Variants in ATP8B4 observed in about 807,000 individuals in gnomAD.
ATP8B4 encodes ATPase phospholipid transporting 8B4 (putative), also known as probable phospholipid-transporting ATPase IM.
A neutral mutation model predicts 145.6 loss-of-function variants in ATP8B4; 133 were observed. The observed-to-expected ratio is 0.91, with a 90% confidence interval of 0.79 to 1.05. The LOEUF (loss-of-function observed/expected upper bound fraction) is 1.05, where lower values mean the gene tolerates loss of function less well. Ranked by LOEUF, ATP8B4 falls within the 50% of genes least tolerant of loss-of-function variation. The probability of loss-of-function intolerance (pLI) is 0.00; values close to 1 mark genes in which losing one functional copy is unlikely to be tolerated. For missense variants in ATP8B4, 1,458 were observed against 1,425.2 expected, an observed-to-expected ratio of 1.02 and a Z score of -0.37; for synonymous variants, 507 against 492.9, an observed-to-expected ratio of 1.03 and a Z score of -0.38.
chr15:50,088,949 C>A (rs59021616), intron 2 of ATP8B4, among the ~76,000 whole-genome samples: 4,079 of 152,246 alleles, frequency 0.027, 181 homozygotes, highest in African/African-American at 0.095. Flanking sequence ...GTTCTCTATT[C>A]TGTTCCATTG....
At chr15:50,031,415 A>G (rs1053918416) in intron 6 of ATP8B4, among the ~76,000 whole-genome samples, 1 of 152,042 alleles carries the variant, frequency 6.6e-6, no homozygotes, top group Non-Finnish European at 1.5e-5. Context: ...AACCACTCTA[A>G]TTTCAAGCCC....
At chr15:50,001,296 C>A (rs1699487982) in intron 8 of ATP8B4, among the ~76,000 whole-genome samples, 1 of 151,950 alleles carries the variant, frequency 6.6e-6, no homozygotes, top group Non-Finnish European at 1.5e-5. Flanking sequence ...AAATGTATGC[C>A]ATAAATGTTC....
At chr15:50,018,016 C>T (rs189113506) in intron 6 of ATP8B4, among the ~76,000 whole-genome samples, 73 of 137,292 alleles carry the variant, frequency 5.3e-4, no homozygotes, top group African/African-American at 1.9e-3. Context: ...GAAACGGAGT[C>T]TCACTCTGTC....
Position 49,917,016 on chromosome 15 carries a change from C to T in ATP8B4, c.2059G>A (p.Ala687Thr), listed in dbSNP as rs777357677. The change falls in exon 20 of 28, where the codon GCC (alanine) becomes ACC (threonine). Residue 687 changes from alanine to threonine, a missense_variant. Transcript: ENST00000284509. ...KQETAINIGYACNMLTDDMND... is the reference protein window; with the variant it reads ...KQETAINIGYTCNMLTDDMND... ...ATGTCGTCAGTCAGCATGTTGCAGGCATAACCGATGTTGATGGCAGTTTCT... is the reference window on the plus strand; with the variant it reads ...ATGTCGTCAGTCAGCATGTTGCAGGTATAACCGATGTTGATGGCAGTTTCT... 3 of 1,613,956 alleles carry T rather than the reference C, an allele frequency of 1.9e-6. No homozygotes were observed. The highest frequency in any genetic ancestry group is 1.1e-5 in the South Asian group (1 of 91,052).
At chr15:49,907,993 C>T (rs1418961801) in intron 20 of ATP8B4, 1 of 455,184 alleles carries the variant, frequency 2.2e-6, no homozygotes, top group Non-Finnish European at 4.4e-6. Flanking sequence ...GACCAAGCTG[C>T]CTAGATTCAC....
At chr15:49,971,941 C>T (rs1013627496) in intron 13 of ATP8B4, among the ~76,000 whole-genome samples, 6 of 152,066 alleles carry the variant, frequency 3.9e-5, no homozygotes, top group Non-Finnish European at 8.8e-5. Flanking sequence ...CTATTGCAGC[C>T]ATAAAAAAGG....
intron 1 of ATP8B4, among the ~76,000 whole-genome samples, chr15:50,180,689 T>C (rs1461745564): frequency 1.3e-5 from 2 of 152,312 alleles, no homozygotes; most frequent in East Asian, 3.9e-4. Context: ...GAATGGTTTC[T>C]GTCGGGCCCT....
intron 2 of ATP8B4, among the ~76,000 whole-genome samples, chr15:50,096,052 T>C (rs1013843971): frequency 3.3e-5 from 5 of 152,138 alleles, no homozygotes; most frequent in South Asian, 2.1e-4. Context: ...GTTATCTCCA[T>C]AGAGATGAAC....
At chr15:49,966,556 C>G (rs1054078653) in intron 13 of ATP8B4, among the ~76,000 whole-genome samples, 3 of 152,256 alleles carry the variant, frequency 2.0e-5, no homozygotes, top group Non-Finnish European at 4.4e-5. Flanking sequence ...TGTAGCCAGA[C>G]TGCCTTTCTA....
chr15:50,115,893 T>A (rs572437716), intron 1 of ATP8B4, among the ~76,000 whole-genome samples: 1 of 152,282 alleles, frequency 6.6e-6, no homozygotes, highest in African/African-American at 2.4e-5. Context: ...TCCTGCAGGT[T>A]GCGGGGAGAC....
intron 25 of ATP8B4, among the ~76,000 whole-genome samples, chr15:49,868,891 T>G (rs1197597607): frequency 6.6e-6 from 1 of 152,186 alleles, no homozygotes; most frequent in Non-Finnish European, 1.5e-5. Flanking sequence ...AATATAATAG[T>G]AAAACTTGTA....
chr15:49,979,627 A>G lies in ATP8B4; in HGVS notation c.1024T>C (p.Leu342=), dbSNP rs1323584664. 1 of 1,487,116 alleles carries G rather than the reference A, an allele frequency of 6.7e-7. No individual in the cohort carries two copies. Among genetic ancestry groups the G allele is most frequent in the Non-Finnish European group, 9.1e-7 (1 of 1,101,788 alleles). 92.1% of individuals were successfully genotyped at this position (1,487,116 alleles called of 1,614,324 possible). A position where few individuals can be genotyped will look rare whatever the true frequency, so the allele number is the denominator to read the frequency against. Reference sequence around the variant, plus strand: ...AAACTCTCATCTTACCTCACATATAAGGAAATGGGTACAACTGTATTGAGA... The same window carrying G: ...AAACTCTCATCTTACCTCACATATAGGGAAATGGGTACAACTGTATTGAGA... ...IILNTVVPIS[L]YVSVEVIRLG... is the part of the protein sequence containing the mutation. The change falls in exon 12 of 28, where the codon TTA becomes CTA. Residue 342 remains leucine, a synonymous_variant. Coordinates refer to ENST00000284509, the MANE Select transcript of ATP8B4 (RefSeq NM_024837.4).
intron 2 of ATP8B4, among the ~76,000 whole-genome samples, chr15:50,100,423 T>G (rs2056281501): frequency 6.6e-6 from 1 of 152,246 alleles, no homozygotes; most frequent in Admixed American, 6.5e-5. Context: ...AAGTTATCCT[T>G]GCTACCATCA....
intron 12 of ATP8B4, among the ~76,000 whole-genome samples, chr15:49,978,612 A>G (rs1000661734): frequency 1.3e-5 from 2 of 152,092 alleles, no homozygotes; most frequent in Admixed American, 1.3e-4. Context: ...GATGATGAGA[A>G]CTGTCAACCA....
intron 1 of ATP8B4, among the ~76,000 whole-genome samples, chr15:50,168,295 A>C (rs867569679): frequency 9.9e-5 from 15 of 152,150 alleles, no homozygotes; most frequent in Admixed American, 1.3e-4. Flanking sequence ...GAGGACCCAC[A>C]GACCCTCTGA....
intron 3 of ATP8B4, among the ~76,000 whole-genome samples, chr15:50,072,626 T>G (rs1012346452): frequency 6.6e-6 from 1 of 151,818 alleles, no homozygotes; most frequent in Non-Finnish European, 1.5e-5. Flanking sequence ...TATCTTTTGT[T>G]TTTTTTTCCT....
At chr15:49,884,360 G>C (rs1011990596) in intron 23 of ATP8B4, among the ~76,000 whole-genome samples, 1 of 152,068 alleles carries the variant, frequency 6.6e-6, no homozygotes, top group African/African-American at 2.4e-5. Flanking sequence ...CCAACACTTT[G>C]GGGGTCGAGG....
intron 14 of ATP8B4, 43 bp downstream of exon 14, chr15:49,961,934 A>G: frequency 6.7e-7 from 1 of 1,492,556 alleles, no homozygotes; most frequent in Non-Finnish European, 9.1e-7. Context: ...AGTACATATA[A>G]TTTGAAATTA....
intron 14 of ATP8B4, among the ~76,000 whole-genome samples, chr15:49,959,745 T>C (rs2043898698): frequency 6.6e-6 from 1 of 152,158 alleles, no homozygotes; most frequent in South Asian, 2.1e-4. Context: ...TTTTTTTTAA[T>C]GAGCAAGGTA....
Sources: allele counts gnomAD v4.1 joint callset (sites outside exome capture counted in the v4.1 genomes callset), GRCh38; gene constraint gnomAD v4.1.1; transcripts MANE v1.5; gene names NCBI Gene and HGNC (gene_info 2026-07-23, HGNC 2026-07-21).